Variants in ZNF385D observed in about 807,000 individuals in gnomAD.
ZNF385D encodes the protein zinc finger protein 659.
A neutral mutation model predicts 35.8 loss-of-function variants in ZNF385D; 15 were observed. That is an observed-to-expected ratio of 0.42 (90% CI 0.28 to 0.64). The LOEUF (loss-of-function observed/expected upper bound fraction) is 0.64. Ranked by LOEUF, ZNF385D falls within the 30% of genes least tolerant of loss-of-function variation. ZNF385D has a pLI of 0.23. For missense variants in ZNF385D, 474 were observed against 494.6 expected (o/e 0.96, Z 0.39); for synonymous variants, 212 against 186.8 (o/e 1.13, Z -1.10).
intron 3 of ZNF385D, among the ~76,000 whole-genome samples, chr3:21,824,855 G>T (rs908842759): frequency 1.3e-5 from 2 of 152,134 alleles, no homozygotes; most frequent in Admixed American, 6.5e-5. Context: ...ACACCATAGG[G>T]AAATGGTGGA....
chr3:21,970,855 A>G (rs1488020283), intron 3 of ZNF385D, among the ~76,000 whole-genome samples: 1 of 152,234 alleles, frequency 6.6e-6, no homozygotes, highest in East Asian at 1.9e-4. Context: ...AGCTTCAATA[A>G]GTCTGGCAGC....
chr3:21,739,385 T>C (rs1478503119), intron 1 of ZNF385D, among the ~76,000 whole-genome samples: 2 of 152,184 alleles, frequency 1.3e-5, no homozygotes, highest in Non-Finnish European at 1.5e-5. Flanking sequence ...ACTGTGTGTG[T>C]TGTTTTAAGG....
At chr3:21,681,197 T>C (rs368012557) in intron 1 of ZNF385D, among the ~76,000 whole-genome samples, 1 of 146,198 alleles carries the variant, frequency 6.8e-6, no homozygotes, top group Non-Finnish European at 1.5e-5. Flanking sequence ...CCTTCCCTGA[T>C]AACGTAGGAA....
chr3:22,136,399 AG>A (rs1176902100), intron 3 of ZNF385D, among the ~76,000 whole-genome samples: 1 of 151,820 alleles, frequency 6.6e-6, no homozygotes, highest in East Asian at 1.9e-4. Context: ...AAAAAAAAAA[AG>A]TATCAACAAT....
intron 3 of ZNF385D, among the ~76,000 whole-genome samples, chr3:22,026,620 C>A (rs138009801): frequency 6.6e-6 from 1 of 152,140 alleles, no homozygotes; most frequent in Non-Finnish European, 1.5e-5. Flanking sequence ...TGCCAGAATG[C>A]GTAATTGGCA....
chr3:22,164,419 G>A (rs896621987), intron 3 of ZNF385D, among the ~76,000 whole-genome samples: 4 of 151,258 alleles, frequency 2.6e-5, no homozygotes, highest in Non-Finnish European at 4.4e-5. Context: ...AGTAGAGACG[G>A]GGTTTCACCA....
upstream of ZNF385D, chr3:21,751,389 G>T (rs1190660407): frequency 5.8e-6 from 6 of 1,027,866 alleles, no homozygotes; most frequent in Non-Finnish European, 7.0e-6. Flanking sequence ...AAAGCGAGAA[G>T]AGTGTCGGGA....
intron 3 of ZNF385D, among the ~76,000 whole-genome samples, chr3:21,776,854 G>T (rs1021617109): frequency 1.4e-4 from 22 of 151,916 alleles, no homozygotes; most frequent in African/African-American, 4.6e-4. Flanking sequence ...GGCAGAAACT[G>T]AAACTTTTTC....
chr3:21,935,768 C>G (rs963620686), intron 3 of ZNF385D, among the ~76,000 whole-genome samples: 2 of 152,090 alleles, frequency 1.3e-5, no homozygotes, highest in Middle Eastern at 3.4e-3. Flanking sequence ...TGAAACTAAA[C>G]TTTACTTTGC....
intron 3 of ZNF385D, among the ~76,000 whole-genome samples, chr3:21,530,726 G>A (rs1277724126): frequency 1.3e-5 from 2 of 151,998 alleles, no homozygotes; most frequent in East Asian, 3.9e-4. Flanking sequence ...AGAGACTACA[G>A]GATGCAAAAT....
chr3:21,432,627 A>T (rs1168847653), intron 5 of ZNF385D, among the ~76,000 whole-genome samples: 3 of 152,038 alleles, frequency 2.0e-5, no homozygotes, highest in Non-Finnish European at 4.4e-5. Flanking sequence ...TTAAAGAAAA[A>T]GAAAAACACA....
At chr3:21,880,194 T>C (rs536941151) in intron 3 of ZNF385D, among the ~76,000 whole-genome samples, 1 of 152,042 alleles carries the variant, frequency 6.6e-6, no homozygotes, top group African/African-American at 2.4e-5. Flanking sequence ...TCTAGATCAG[T>C]AGGATCAGCC....
chr3:21,967,524 A>C (rs1451620055), intron 3 of ZNF385D, among the ~76,000 whole-genome samples: 2 of 152,196 alleles, frequency 1.3e-5, no homozygotes, highest in East Asian at 3.9e-4. Flanking sequence ...AGCTGGTCCT[A>C]AAGGGCCAGT....
At chr3:21,924,688 G>C (rs1041973818) in intron 3 of ZNF385D, among the ~76,000 whole-genome samples, 4 of 152,056 alleles carry the variant, frequency 2.6e-5, no homozygotes, top group African/African-American at 4.8e-5. Flanking sequence ...GAGTAATAAG[G>C]CCCTACCTCC....
intron 3 of ZNF385D, among the ~76,000 whole-genome samples, chr3:21,806,837 A>C (rs1285562478): frequency 3.9e-5 from 6 of 152,228 alleles, no homozygotes; most frequent in Non-Finnish European, 7.3e-5. Context: ...CAAAGAGTGA[A>C]ACTTCAGACT....
chr3:22,100,505 T>TA (rs1374047492), intron 3 of ZNF385D, among the ~76,000 whole-genome samples: 5 of 151,858 alleles, frequency 3.3e-5, no homozygotes, highest in Non-Finnish European at 5.9e-5. Context: ...TATGCAGCCA[T>TA]AAAAAAGGAT....
chr3:21,585,599 G>C (rs1376749529), intron 2 of ZNF385D, among the ~76,000 whole-genome samples: 1 of 152,142 alleles, frequency 6.6e-6, no homozygotes, highest in Non-Finnish European at 1.5e-5. Flanking sequence ...TAATCTGGCT[G>C]CCTACGCACC....
chr3:22,218,013 C>T (rs1273400402), intron 2 of ZNF385D, among the ~76,000 whole-genome samples: 1 of 152,030 alleles, frequency 6.6e-6, no homozygotes, highest in Non-Finnish European at 1.5e-5. Context: ...TAAGGTAATG[C>T]TAGCTGCTCC....
At chr3:22,037,896 C>A (rs894252865) in intron 3 of ZNF385D, among the ~76,000 whole-genome samples, 2 of 152,078 alleles carry the variant, frequency 1.3e-5, no homozygotes, top group Admixed American at 1.3e-4. Context: ...ACCAATGGAA[C>A]AGAACAGAGC....
Sources: gnomAD v4.1 joint callset for allele counts (sites outside exome capture counted in the v4.1 genomes callset) on GRCh38, gnomAD v4.1.1 for gene constraint, MANE v1.5 for transcripts, NCBI Gene and HGNC (gene_info 2026-07-23, HGNC 2026-07-21) for gene names.